SRP9: variants seen among roughly 807,000 people sequenced by gnomAD.
SRP9 encodes signal recognition particle 9.
A neutral mutation model predicts 11.7 loss-of-function variants in SRP9; 2 were observed. The ratio of observed to expected loss-of-function variants is 0.17; its 90% CI spans 0.07 to 0.54. The LOEUF (loss-of-function observed/expected upper bound fraction) is 0.54, where lower values mean the gene tolerates loss of function less well. SRP9 is among the 20% of genes least tolerant of loss of function. SRP9 has a pLI of 0.94. For synonymous variants in SRP9, 27 were observed against 35.6 expected (o/e 0.76, Z 0.86); for missense variants, 54 against 108.1 (o/e 0.50, Z 2.22).
At chr1:225,789,161 T>G in intron 2 of SRP9, 79 bp from the exon 3 acceptor site, 1 of 1,555,502 alleles carries the variant, frequency 6.4e-7, no homozygotes, top group South Asian at 1.2e-5. Flanking sequence ...ACTCTCAAAA[T>G]TTTACCCAAT....
chr1:225,788,245 AT>A (rs1174384838), intron 2 of SRP9, among the ~76,000 whole-genome samples: 1 of 152,012 alleles, frequency 6.6e-6, no homozygotes, highest in African/African-American at 2.4e-5. Context: ...AAATAGAAAA[AT>A]TAGCTAGGTG....
intron 2 of SRP9, among the ~76,000 whole-genome samples, chr1:225,784,200 C>T (rs1225802202): frequency 8.2e-6 from 1 of 122,244 alleles, no homozygotes; most frequent in African/African-American, 3.1e-5. Context: ...TCAAAATTCA[C>T]TTATCTACAG....
chr1:225,778,095 G>A (rs1665719884), intron 1 of SRP9, 83 bp downstream of exon 1: 3 of 1,489,750 alleles, frequency 2.0e-6, no homozygotes, highest in Non-Finnish European at 2.8e-6. Context: ...AGCTTCCCCA[G>A]CGCTCCCAGG....
At chr1:225,786,921 C>A in intron 2 of SRP9, 1 of 830,332 alleles carries the variant, frequency 1.2e-6, no homozygotes, top group Non-Finnish European at 1.7e-6. Flanking sequence ...TAGCTCACTG[C>A]ATCCTCGACC....
rs1195362211 is a variant in SRP9 at position 225,789,717 on chromosome 1, A to G, written c.*358A>G. 1.6e-5 allele frequency: 3 copies of G among 188,244 alleles called. No individual in the cohort carries two copies. Among genetic ancestry groups the G allele is most frequent in the Non-Finnish European group, 3.4e-5 (3 of 89,194 alleles). 11.7% of individuals were successfully genotyped at this position (188,244 alleles called of 1,614,324 possible). A position where few individuals can be genotyped will look rare whatever the true frequency, so the allele number is the denominator to read the frequency against. ...CTTAAATTTAGTTCATCTTTCTTTA[A>G]AAGAACATTAAATGTAACCATTTTG... On this transcript the variant is annotated 3_prime_UTR_variant, in exon 3 of 3. Transcript: ENST00000304786.
chr1:225,784,408 A>G (rs553420942), intron 2 of SRP9, among the ~76,000 whole-genome samples: 11 of 137,546 alleles, frequency 8.0e-5, no homozygotes, highest in East Asian at 4.7e-4. Context: ...CACCACGCCC[A>G]GCTAATTTTT....
At chr1:225,779,986 G>A (rs1162242096) in intron 1 of SRP9, among the ~76,000 whole-genome samples, 1 of 152,196 alleles carries the variant, frequency 6.6e-6, no homozygotes, top group Non-Finnish European at 1.5e-5. Context: ...ATCACTGTGA[G>A]CAAAGCATGT....
chr1:225,789,070 A>G (rs1361746357), intron 2 of SRP9, 170 bp from the exon 3 acceptor site: 1 of 1,551,174 alleles, frequency 6.4e-7, no homozygotes, highest in Admixed American at 2.0e-5. Flanking sequence ...AAGACATGGA[A>G]TTGCTGGAGG....
chr1:225,782,329 A>T (rs929464467), intron 1 of SRP9, among the ~76,000 whole-genome samples: 54 of 151,858 alleles, frequency 3.6e-4, no homozygotes, highest in Non-Finnish European at 1.2e-4. Context: ...ACGCCCGGCT[A>T]ATTTTTTGTA....
At chr1:225,781,265 GTTTTGGTTAT>G (rs140992816) in intron 1 of SRP9, among the ~76,000 whole-genome samples, 34,253 of 151,422 alleles carry the variant, frequency 0.23, 4,000 homozygotes, top group South Asian at 0.35. Flanking sequence ...CTGTCCTTGT[GTTTTGGTTAT>G]TTTTGGTAAA....
chr1:225,785,679 C>CTTT (rs59464847), intron 2 of SRP9, among the ~76,000 whole-genome samples: 21,767 of 122,698 alleles, frequency 0.18, 2,108 homozygotes, highest in East Asian at 0.33. Context: ...TGTGCCTGGA[C>CTTT]TTTTTTTTTT....
intron 2 of SRP9, among the ~76,000 whole-genome samples, chr1:225,785,102 T>G (rs900905190): frequency 1.3e-5 from 2 of 151,982 alleles, no homozygotes; most frequent in Admixed American, 1.3e-4. Context: ...AGACGGAGTC[T>G]CGCTCTGTTG....
chr1:225,787,842 G>A (rs4653677), intron 2 of SRP9, among the ~76,000 whole-genome samples: 14,190 of 152,112 alleles, frequency 0.093, 806 homozygotes, highest in Middle Eastern at 0.18. Flanking sequence ...CAAGATTGCC[G>A]CACAAATTTG....
Position 225,784,545 on chromosome 1 carries a change from G to A in SRP9, c.141+1177G>A, listed in dbSNP as rs546920551. Among the ~76,000 whole-genome samples the A allele has an allele frequency of 2.5e-4, 38 of 150,786 alleles. 1 individual carries two copies. Among genetic ancestry groups the A allele is most frequent in the African/African-American group, 8.0e-4 (33 of 41,130 alleles). ...ATTACAGGCATGAACCACCCCACCC[G>A]GCCTATCATCTGTTCTTAAACTAGC... On this transcript the variant is annotated intron_variant, in intron 2 of 2. Transcript: ENST00000304786.
intron 1 of SRP9, among the ~76,000 whole-genome samples, chr1:225,780,897 AC>A (rs563129100): frequency 3.0e-4 from 45 of 152,246 alleles, no homozygotes; most frequent in African/African-American, 9.9e-4. Flanking sequence ...GTTCCTTAAC[AC>A]TCTTGCCACA....
intron 2 of SRP9, among the ~76,000 whole-genome samples, chr1:225,786,422 G>C (rs1022358702): frequency 6.6e-6 from 1 of 152,158 alleles, no homozygotes; most frequent in Non-Finnish European, 1.5e-5. Context: ...TAAATAGTTA[G>C]TTCTTTTGAA....
intron 1 of SRP9, among the ~76,000 whole-genome samples, chr1:225,781,924 C>A (rs563113892): frequency 2.6e-5 from 4 of 152,042 alleles, no homozygotes; most frequent in African/African-American, 9.6e-5. Context: ...TGCTTAAATG[C>A]TTGATGAGTT....
In SRP9 at chr1:225,777,881, T is replaced by C. The variant is rs1665712911; in HGVS notation, c.-60T>C. The stretch of plus-strand genomic sequence containing the variant: ...TCGGTTGGCGACTCCCGGACGTAGG[T>C]AGTTTGTTGGGCCGGGTTCTGAGGC... On this transcript the variant is annotated 5_prime_UTR_variant, in exon 1 of 3. Coordinates refer to ENST00000304786, the MANE Select transcript of SRP9 (RefSeq NM_003133.6). 1 of 1,495,964 alleles carries C rather than the reference T, an allele frequency of 6.7e-7. No individual in the cohort carries two copies. The highest frequency in any genetic ancestry group is 1.4e-5 in the African/African-American group (1 of 72,174). 92.7% of individuals were successfully genotyped at this position (1,495,964 alleles called of 1,614,324 possible).
intron 1 of SRP9, among the ~76,000 whole-genome samples, chr1:225,779,560 G>C (rs527426699): frequency 3.9e-5 from 6 of 152,300 alleles, no homozygotes; most frequent in South Asian, 2.1e-4. Flanking sequence ...ACAGTTTATA[G>C]TGCATATAAG....
Sources: allele counts gnomAD v4.1 joint callset (sites outside exome capture counted in the v4.1 genomes callset), GRCh38; gene constraint gnomAD v4.1.1; transcripts MANE v1.5; gene names NCBI Gene and HGNC (gene_info 2026-07-23, HGNC 2026-07-21).